The following ATP9B variants were observed in gnomAD, a reference collection of about 807,000 sequenced individuals.
ATP9B encodes probable phospholipid-transporting ATPase IIB.
A neutral mutation model predicts 146.1 loss-of-function variants in ATP9B; 110 were observed. The ratio of observed to expected loss-of-function variants is 0.75; its 90% confidence interval spans 0.65 to 0.88. ATP9B has a LOEUF of 0.88. Among genes scored for constraint, ATP9B ranks in the 40% least tolerant of loss-of-function variants. The pLI, the probability that ATP9B is intolerant of heterozygous loss-of-function variation, is 0.00. For missense variants in ATP9B, 1,499 were observed against 1,496.4 expected, an observed-to-expected ratio of 1.00 and a Z score of -0.03; for synonymous variants, 604 against 569.7, an observed-to-expected ratio of 1.06 and a Z score of -0.86.
intron 11 of ATP9B, among the ~76,000 whole-genome samples, chr18:79,232,984 G>T (rs1416605787): frequency 6.6e-6 from 1 of 152,110 alleles, no homozygotes; most frequent in Non-Finnish European, 1.5e-5. Context: ...AGAACTGTGG[G>T]ACAATTTCAG....
At chr18:79,353,769 AT>A (rs1409923904) in intron 25 of ATP9B, 1 of 152,236 alleles carries the variant, frequency 6.6e-6, no homozygotes, top group African/African-American at 2.4e-5. Flanking sequence ...GCTGAAAGTT[AT>A]ACCTCAAGAA....
Position 79,165,792 on chromosome 18 carries a change from A to G in ATP9B, c.779-11021A>G, listed in dbSNP as rs532114257. Among the ~76,000 whole-genome samples, 15 of 152,198 alleles carry G rather than the reference A, an allele frequency of 9.9e-5. No individual in the cohort carries two copies. In the South Asian group the frequency reaches 1.5e-3, roughly 15 times the overall value. On this transcript the variant is annotated intron_variant, in intron 7 of 29. Transcript: ENST00000426216. The stretch of plus-strand genomic sequence containing the variant: ...CAGCCCCACCCAGGAGGGGCTGGCC[A>G]TGGTTCTTATTTTCCCCAGACTCAT...
At chr18:79,132,522 G>A (rs2147267878) in intron 5 of ATP9B, among the ~76,000 whole-genome samples, 1 of 152,322 alleles carries the variant, frequency 6.6e-6, no homozygotes, top group East Asian at 1.9e-4. Flanking sequence ...CTCTAATCCA[G>A]TGTTCTTTCA....
chr18:79,335,134 C>T (rs2096816539), intron 17 of ATP9B, among the ~76,000 whole-genome samples: 2 of 152,208 alleles, frequency 1.3e-5, no homozygotes, highest in Non-Finnish European at 2.9e-5. Flanking sequence ...TGCCGCTCTG[C>T]CAGATTCTCT....
chr18:79,152,957 G>T (rs1420412324), intron 6 of ATP9B, among the ~76,000 whole-genome samples: 1 of 151,968 alleles, frequency 6.6e-6, no homozygotes, highest in Non-Finnish European at 1.5e-5. Context: ...AGTTTTATTA[G>T]GTTGTACAGT....
chr18:79,376,211 ACAC>A (rs1568876240), intron 29 of ATP9B: 121 of 953,888 alleles, frequency 1.3e-4, no homozygotes, highest in Non-Finnish European at 1.4e-4. Flanking sequence ...ACACACACAC[ACAC>A]AAAACAAAAC....
intron 4 of ATP9B, among the ~76,000 whole-genome samples, chr18:79,124,269 T>C (rs1182662379): frequency 1.3e-5 from 2 of 152,214 alleles, no homozygotes; most frequent in East Asian, 3.8e-4. Context: ...ATGGTGACGG[T>C]TGTACAACTC....
At chr18:79,347,445 C>T (rs886745968) in intron 23 of ATP9B, among the ~76,000 whole-genome samples, 3 of 152,024 alleles carry the variant, frequency 2.0e-5, no homozygotes, top group Admixed American at 6.5e-5. Context: ...TCCGACAGGG[C>T]GGGCCCACAC....
At chr18:79,368,043 A>G (rs1006790977) in intron 26 of ATP9B, among the ~76,000 whole-genome samples, 2 of 152,146 alleles carry the variant, frequency 1.3e-5, no homozygotes, top group Non-Finnish European at 2.9e-5. Context: ...CTGTGTCTCC[A>G]TGGAGTGTCG....
At chr18:79,255,047 C>T (rs958561692) in intron 12 of ATP9B, 1 of 151,966 alleles carries the variant, frequency 6.6e-6, no homozygotes, top group East Asian at 1.9e-4. Flanking sequence ...CTAGTTAGGA[C>T]CTAGAACGGA....
intron 23 of ATP9B, among the ~76,000 whole-genome samples, chr18:79,346,087 A>G (rs768112849): frequency 2.0e-5 from 3 of 149,686 alleles, no homozygotes; most frequent in Non-Finnish European, 4.5e-5. Context: ...CTCAGCGCAC[A>G]GCACACACTC....
intron 13 of ATP9B, among the ~76,000 whole-genome samples, chr18:79,297,437 A>G (rs529933815): frequency 6.6e-6 from 1 of 152,356 alleles, no homozygotes; most frequent in African/African-American, 2.4e-5. Flanking sequence ...GGGGCTAGCA[A>G]GACGCGGCCC....
intron 7 of ATP9B, among the ~76,000 whole-genome samples, chr18:79,174,619 G>A (rs541430740): frequency 3.8e-4 from 58 of 152,174 alleles, no homozygotes; most frequent in African/African-American, 1.4e-3. Context: ...AGGGTTATTG[G>A]ACATAGAGAA....
chr18:79,249,125 A>G (rs1258710698), intron 11 of ATP9B, among the ~76,000 whole-genome samples: 1 of 152,122 alleles, frequency 6.6e-6, no homozygotes, highest in Non-Finnish European at 1.5e-5. Flanking sequence ...GCAGGAGAAT[A>G]CCGTATTTAC....
intron 5 of ATP9B, among the ~76,000 whole-genome samples, chr18:79,129,229 A>C (rs1018489237): frequency 2.0e-5 from 3 of 152,114 alleles, no homozygotes; most frequent in Non-Finnish European, 4.4e-5. Context: ...CAGGCAGAAG[A>C]AGCTAGGGAG....
chr18:79,300,644 CT>C (rs1444866488), intron 13 of ATP9B, among the ~76,000 whole-genome samples: 4 of 152,222 alleles, frequency 2.6e-5, no homozygotes, highest in Non-Finnish European at 5.9e-5. Context: ...GAGCTCTGCA[CT>C]TGCAGCTGAC....
At chr18:79,212,164 C>A (rs2095590156) in intron 10 of ATP9B, among the ~76,000 whole-genome samples, 1 of 152,172 alleles carries the variant, frequency 6.6e-6, no homozygotes, top group African/African-American at 2.4e-5. Context: ...CCAAATATTT[C>A]TGCACTGATT....
At chr18:79,373,243 G>C (rs2097082975) in intron 27 of ATP9B, among the ~76,000 whole-genome samples, 1 of 152,084 alleles carries the variant, frequency 6.6e-6, no homozygotes, top group African/African-American at 2.4e-5. Context: ...CCTTTGTTTA[G>C]TGTTCAGATA....
Position 79,113,330 on chromosome 18 carries a change from T to C in ATP9B, c.534T>C (p.Tyr178=). 1 of 1,579,522 alleles carries C rather than the reference T, an allele frequency of 6.3e-7. No homozygotes were observed. Among genetic ancestry groups the C allele is most frequent in the Non-Finnish European group, 8.7e-7 (1 of 1,151,688 alleles). The stretch of plus-strand genomic sequence containing the variant: ...TTGTACCAGCATTGAAAATAGGCTA[T>C]CTCTACACCTACTGGGCTCCTCTGG... The part of the protein sequence containing the change: ...SQFVPALKIG[Y]LYTYWAPLGF... Residue 178 remains tyrosine, a synonymous_variant, in exon 4 of 30, where the codon TAT becomes TAC. Transcript: ENST00000426216.
Sources: allele counts gnomAD v4.1 joint callset (sites outside exome capture counted in the v4.1 genomes callset), GRCh38; gene constraint gnomAD v4.1.1; transcripts MANE v1.5; gene names NCBI Gene and HGNC (gene_info 2026-07-23, HGNC 2026-07-21).